Variants in PLEKHJ1 observed in about 807,000 individuals in gnomAD.
PLEKHJ1 encodes pleckstrin homology domain-containing family J member 1.
Under a neutral mutation model 21.7 loss-of-function variants are expected in PLEKHJ1, and 20 were observed. The observed-to-expected ratio is 0.92, with a 90% CI of 0.65 to 1.34. PLEKHJ1 has a LOEUF of 1.34. PLEKHJ1 is among the 40% of genes most tolerant of loss of function. The probability of loss-of-function intolerance (pLI) is 0.00; values close to 1 mark genes in which losing one functional copy is unlikely to be tolerated. For synonymous variants in PLEKHJ1, 113 were observed against 80.6 expected (o/e 1.40, Z -2.15); for missense variants, 241 against 202.0 (o/e 1.19, Z -1.17).
chr19:2,234,101 C>T (rs1411695026), intron 4 of PLEKHJ1, 40 bp from the exon 5 acceptor site: 1 of 1,612,878 alleles, frequency 6.2e-7, no homozygotes, highest in Admixed American at 1.7e-5. Context: ...GCCCGCTCTG[C>T]ATGGCTGCTG....
chr19:2,230,222 A>G (rs909337272), downstream of PLEKHJ1: 7 of 412,924 alleles, frequency 1.7e-5, no homozygotes, highest in South Asian at 1.8e-4. Flanking sequence ...AGACGCTGAC[A>G]ACGCCGAACC....
chr19:2,234,355 C>T (rs1407736587), intron 3 of PLEKHJ1, 115 bp from the exon 4 acceptor site: 3 of 709,078 alleles, frequency 4.2e-6, no homozygotes, highest in African/African-American at 1.8e-5. Flanking sequence ...CATGTCCTGA[C>T]CCCCCAGAAC....
downstream of PLEKHJ1, chr19:2,231,001 G>A (rs1568380141): frequency 4.1e-6 from 1 of 241,158 alleles, no homozygotes; most frequent in Non-Finnish European, 8.1e-6. Flanking sequence ...GCCCCAGGGT[G>A]ACGTCGGCCC....
At chr19:2,235,610 G>A (rs893387675) in intron 3 of PLEKHJ1, 152 bp downstream of exon 3, 7 of 654,864 alleles carry the variant, frequency 1.1e-5, no homozygotes, top group Non-Finnish European at 1.8e-5. Context: ...TTGACCTTGA[G>A]CTGCCCGTGG....
chr19:2,235,767 GAGA>G lies in PLEKHJ1; in HGVS notation c.221_223del (p.Phe74del). On this transcript the variant is annotated inframe_deletion, in exon 3 of 6. Transcript: ENST00000326631. Reference sequence around the variant, plus strand: ...GCTTCCCTAGCCCCACTCACTGATGGAGAAGGTGCCGGGCTCTTCCCGGACGAC... The same window carrying G: ...GCTTCCCTAGCCCCACTCACTGATGGAGGTGCCGGGCTCTTCCCGGACGAC... 2 of 1,548,878 alleles carry G rather than the reference GAGA, an allele frequency of 1.3e-6. No individual in the cohort carries two copies. Among genetic ancestry groups the G allele is most frequent in the East Asian group, 2.4e-5 (1 of 40,906 alleles).
chr19:2,233,903 G>T lies in PLEKHJ1; in HGVS notation c.387C>A (p.Asp129Glu), dbSNP rs1489538866. Residue 129 changes from aspartate to glutamate, a missense_variant and splice_region_variant, in exon 6 of 6, where the codon GAC becomes GAA. Asp to Glu is a conservative substitution (Grantham distance 45). Transcript: ENST00000326631. The part of the protein sequence containing the change: ...RNEIRKVTGK[D>E]PLEQFGISEE... The stretch of plus-strand genomic sequence containing the variant: ...CGGATATGCCGAACTGTTCCAGGGG[G>T]TCCTGTGGGGAGGACGGGTGGCCAT... The T allele has an allele frequency of 1.9e-6, 3 of 1,612,708 alleles. No individual in the cohort carries two copies. The highest frequency in any genetic ancestry group is 3.3e-5 in the Admixed American group (2 of 60,018).
chr19:2,231,053 A>G (rs971847529), downstream of PLEKHJ1: 7 of 234,702 alleles, frequency 3.0e-5, no homozygotes, highest in African/African-American at 6.6e-5. Context: ...CTGGGTGTGG[A>G]AGGAGAGGAG....
At chr19:2,235,480 GC>G in intron 3 of PLEKHJ1, 1 of 487,154 alleles carries the variant, frequency 2.1e-6, no homozygotes, top group South Asian at 3.1e-5. Flanking sequence ...TTTGGGTGGG[GC>G]TGGCCCACCT....
At chr19:2,231,912 G>A (rs1271563118), downstream of PLEKHJ1, 4 of 218,668 alleles carry the variant, frequency 1.8e-5, no homozygotes, top group Admixed American at 2.3e-4. Context: ...CACTGGCCCA[G>A]GCAGAAGTCT....
At chr19:2,231,964 C>G (rs1215096468), downstream of PLEKHJ1, 3 of 211,768 alleles carry the variant, frequency 1.4e-5, no homozygotes, top group Admixed American at 1.8e-4. Flanking sequence ...CACACGTGAA[C>G]TAGTGTGGTG....
chr19:2,233,450 G>A lies in PLEKHJ1; in HGVS notation c.*390C>T, dbSNP rs2024680822. On this transcript the variant is annotated 3_prime_UTR_variant, in exon 6 of 6. Coordinates refer to ENST00000326631, the MANE Select transcript of PLEKHJ1 (RefSeq NM_018049.3). The stretch of plus-strand genomic sequence containing the variant: ...AGCAGCACGTGGCACCAGGTGCCAG[G>A]CCAGTTAGGTGGATCCTGGGGCCCC... 7.9e-6 allele frequency: 2 copies of A among 253,702 alleles called. No homozygotes were observed. The highest frequency in any genetic ancestry group is 5.3e-5 in the Admixed American group (1 of 18,844). 15.7% of individuals were successfully genotyped at this position (253,702 alleles called of 1,614,324 possible).
Position 2,234,045 on chromosome 19 carries a change from T to G in PLEKHJ1, c.337A>C (p.Arg113=), listed in dbSNP as rs1182775799. Reference sequence around the variant, plus strand: ...TCGTTCCTGTAGAAGATGAGGCTTCTCCGCATGAACTCGTAGCTGGGGAAA... The same window carrying G: ...TCGTTCCTGTAGAAGATGAGGCTTCGCCGCATGAACTCGTAGCTGGGGAAA... The part of the protein sequence containing the change: ...LRRASYEFMR[R]SLIFYRNEIR... Residue 113 remains arginine (R), a synonymous_variant, in exon 5 of 6, where the codon AGA becomes CGA. Coordinates refer to ENST00000326631, the MANE Select transcript of PLEKHJ1 (RefSeq NM_018049.3). 6.2e-7 allele frequency: 1 copy of G among 1,613,392 alleles called. No homozygotes were observed. The highest frequency in any genetic ancestry group is 8.5e-7 in the Non-Finnish European group (1 of 1,180,022).
chr19:2,236,240 G>C lies in PLEKHJ1; in HGVS notation c.9C>G (p.Tyr3Ter), dbSNP rs367767708. The change falls in exon 1 of 6, where the codon TAC becomes TAG. Residue 3 changes from tyrosine to a stop codon, truncating the protein, a stop_gained. Transcript: ENST00000326631. LOFTEE classifies it high-confidence loss of function. MR[Y>*]NEKELQALSR... ...ACAGAGCCTGCAGCTCCTTCTCGTTGTACCGCATGGCTCCGCGGGGAACGG... is the reference window on the plus strand; with the variant it reads ...ACAGAGCCTGCAGCTCCTTCTCGTTCTACCGCATGGCTCCGCGGGGAACGG... The C allele has an allele frequency of 1.8e-5, 26 of 1,432,412 alleles. No homozygotes were observed. In the Admixed American group the frequency reaches 4.3e-4, roughly 23 times the overall value. The allele number at this position is 1,432,412 out of a possible 1,614,324, so 88.7% of individuals were successfully genotyped here. A position where few individuals can be genotyped will look rare whatever the true frequency, so the allele number is the denominator to read the frequency against.
chr19:2,233,895 T>C lies in PLEKHJ1; in HGVS notation c.395A>G (p.Glu132Gly). The change falls in exon 6 of 6, where the codon GAA becomes GGA. Residue 132 changes from glutamate to glycine, a missense_variant. Transcript: ENST00000326631. ...GGCCTCCTCGGATATGCCGAACTGT[T>C]CCAGGGGGTCCTGTGGGGAGGACGG... is the stretch of plus-strand genomic sequence containing the variant. ...IRKVTGKDPL[E>G]QFGISEEARF... is the part of the protein sequence containing the mutation. 1 of 1,612,560 alleles carries C rather than the reference T, an allele frequency of 6.2e-7. No individual in the cohort carries two copies. The highest frequency in any genetic ancestry group is 8.5e-7 in the Non-Finnish European group (1 of 1,179,828).
At chr19:2,232,600 T>C (rs1294046350), downstream of PLEKHJ1, 2 of 193,482 alleles carry the variant, frequency 1.0e-5, no homozygotes, top group African/African-American at 2.3e-5. Flanking sequence ...TGGCAGCCTT[T>C]CTTCCAGGTG....
At chr19:2,230,653 A>G, downstream of PLEKHJ1, 1 of 398,542 alleles carries the variant, frequency 2.5e-6, no homozygotes, top group African/African-American at 2.1e-5. Context: ...GCAGTATTTT[A>G]TAGAGATGTG....
At position 2,233,679 on chromosome 19, in the gene PLEKHJ1, C is replaced by G. The variant is rs2024686880; in HGVS notation, c.*161G>C. Reference sequence around the variant, plus strand: ...ACTTGAGTCCAGAAGGTCAAGGTCACAGTGAGCTGTGGCACCACTGCACTC... The same window carrying G: ...ACTTGAGTCCAGAAGGTCAAGGTCAGAGTGAGCTGTGGCACCACTGCACTC... On this transcript the variant is annotated 3_prime_UTR_variant, in exon 6 of 6. Coordinates refer to ENST00000326631, the MANE Select transcript of PLEKHJ1 (RefSeq NM_018049.3). 2 of 635,282 alleles carry G rather than the reference C, an allele frequency of 3.1e-6. 1 individual carries two copies. The highest frequency in any genetic ancestry group is 5.4e-6 in the Non-Finnish European group (2 of 367,214). The allele number at this position is 635,282 out of a possible 1,614,324, so 39.4% of individuals were successfully genotyped here.
chr19:2,231,947 G>A (rs1225344799), downstream of PLEKHJ1: 2 of 213,594 alleles, frequency 9.4e-6, no homozygotes, highest in African/African-American at 4.5e-5. Flanking sequence ...GGTCATATGC[G>A]TGTCACCACA....
downstream of PLEKHJ1, chr19:2,232,636 T>C (rs1409601859): frequency 5.4e-6 from 1 of 183,644 alleles, no homozygotes; most frequent in African/African-American, 2.4e-5. Flanking sequence ...TGGCGGCCAG[T>C]GAGAGGCCCC....
Sources: gnomAD v4.1 joint callset for allele counts on GRCh38, gnomAD v4.1.1 for gene constraint, MANE v1.5 for transcripts, NCBI Gene and HGNC (gene_info 2026-07-23, HGNC 2026-07-21) for gene names.